Variants in CRACR2A observed in about 807,000 individuals in gnomAD.
The protein encoded by CRACR2A is calcium release activated channel regulator 2A.
Under a neutral mutation model 90.5 loss-of-function variants are expected in CRACR2A, and 79 were observed. The ratio of observed to expected loss-of-function variants is 0.87; its 90% CI spans 0.73 to 1.05. The LOEUF (loss-of-function observed/expected upper bound fraction) is 1.05, where lower values mean the gene tolerates loss of function less well. Ranked by LOEUF, CRACR2A falls within the 50% of genes least tolerant of loss-of-function variation. The pLI, the probability that CRACR2A is intolerant of heterozygous loss-of-function variation, is 0.00. For missense variants in CRACR2A, 823 were observed against 897.2 expected (o/e 0.92, Z 1.06); for synonymous variants, 338 against 356.7 (o/e 0.95, Z 0.59).
At chr12:3,638,539 A>C in intron 13 of CRACR2A, 85 bp from the exon 14 acceptor site, 1 of 1,398,792 alleles carries the variant, frequency 7.1e-7, no homozygotes, top group Non-Finnish European at 9.5e-7. Context: ...TGTGACGAAC[A>C]GATACCCAAG....
chr12:3,677,128 G>A (rs138924520), intron 6 of CRACR2A, among the ~76,000 whole-genome samples: 21 of 152,108 alleles, frequency 1.4e-4, no homozygotes, highest in Non-Finnish European at 2.9e-4. Context: ...CTCCTGGGAG[G>A]ATATGGGAGT....
At chr12:3,618,344 C>T (rs12579477) in intron 18 of CRACR2A, among the ~76,000 whole-genome samples, 1,769 of 152,248 alleles carry the variant, frequency 0.012, 40 homozygotes, top group East Asian at 0.085. Context: ...ACTATTTCTT[C>T]AGTGAAACCT....
At chr12:3,615,530 C>A (rs982244976) in intron 19 of CRACR2A, 91 bp from the exon 20 acceptor site, 5 of 1,081,826 alleles carry the variant, frequency 4.6e-6, no homozygotes, top group South Asian at 1.6e-5. Flanking sequence ...GGTTACAGGT[C>A]ATCTGGGCCA....
chr12:3,644,432 G>T (rs1444733287), intron 12 of CRACR2A, among the ~76,000 whole-genome samples, 163 bp downstream of exon 12: 2 of 152,078 alleles, frequency 1.3e-5, no homozygotes, highest in African/African-American at 4.8e-5. Context: ...TACCCAGTAG[G>T]CCACCCTGAA....
chr12:3,627,588 T>C, intron 16 of CRACR2A, 37 bp downstream of exon 16: 1 of 1,551,568 alleles, frequency 6.4e-7, no homozygotes. Flanking sequence ...ATGCACGGCC[T>C]TCCCTCTGGA....
chr12:3,656,912 G>A (rs185224101), intron 8 of CRACR2A, among the ~76,000 whole-genome samples: 1 of 152,310 alleles, frequency 6.6e-6, no homozygotes, highest in East Asian at 1.9e-4. Context: ...TCTTCCTCTT[G>A]AGGGTCTAAG....
In CRACR2A at chr12:3,641,820, C is replaced by T. The variant is rs1390858555; in HGVS notation, c.1183G>A (p.Ala395Thr). The stretch of plus-strand genomic sequence containing the variant: ...CTTGCCCTGGAAGCAGCTGTGTTTG[C>T]CTTGGCTGCCTTATTTTTCTGTAGA... ...ICFQKNKAAK[A>T]NTAASRASWK... is the part of the protein sequence containing the mutation. Residue 395 changes from alanine (A) to threonine (T), a missense_variant, in exon 13 of 20, where the codon GCA (alanine) becomes ACA (threonine). Coordinates refer to ENST00000440314, the MANE Select transcript of CRACR2A (RefSeq NM_001144958.2). The T allele has an allele frequency of 1.9e-6, 3 of 1,550,892 alleles. No individual in the cohort carries two copies. Among genetic ancestry groups the T allele is most frequent in the Non-Finnish European group, 2.6e-6 (3 of 1,146,366 alleles).
chr12:3,648,102 C>T (rs1944723503), intron 11 of CRACR2A: 4 of 1,002,016 alleles, frequency 4.0e-6, no homozygotes, highest in Non-Finnish European at 4.8e-6. Flanking sequence ...AGCTGTGTCG[C>T]CTGTGGTAAA....
intron 17 of CRACR2A, among the ~76,000 whole-genome samples, chr12:3,619,794 A>G (rs1487134424): frequency 6.6e-6 from 1 of 152,222 alleles, no homozygotes; most frequent in Non-Finnish European, 1.5e-5. Context: ...AAGGCCATGA[A>G]TGCCCCATGG....
Position 3,641,824 on chromosome 12 carries a change from G to C in CRACR2A, c.1179C>G (p.Ala393=), listed in dbSNP as rs1406187934. The change falls in exon 13 of 20, where the codon GCC becomes GCG. Residue 393 remains alanine (A), a synonymous_variant. Transcript: ENST00000440314. ...CCCTGGAAGCAGCTGTGTTTGCCTT[G>C]GCTGCCTTATTTTTCTGTAGAAACA... ...RDICFQKNKA[A]KANTAASRAS... The C allele has an allele frequency of 3.9e-6, 6 of 1,550,950 alleles. No individual in the cohort carries two copies. The highest frequency in any genetic ancestry group is 5.2e-6 in the Non-Finnish European group (6 of 1,146,350).
intron 3 of CRACR2A, among the ~76,000 whole-genome samples, chr12:3,708,257 T>C (rs1189178719): frequency 6.6e-6 from 1 of 152,044 alleles, no homozygotes; most frequent in Non-Finnish European, 1.5e-5. Flanking sequence ...GAAAGCCCGG[T>C]CCTCCTGCCT....
At chr12:3,675,575 C>A (rs1945321925) in intron 6 of CRACR2A, among the ~76,000 whole-genome samples, 1 of 152,184 alleles carries the variant, frequency 6.6e-6, no homozygotes, top group Admixed American at 6.5e-5. Context: ...AATGTTTATA[C>A]TATTATGACT....
At chr12:3,637,852 G>T (rs1460095261) in intron 14 of CRACR2A, among the ~76,000 whole-genome samples, 4 of 152,202 alleles carry the variant, frequency 2.6e-5, no homozygotes, top group Admixed American at 2.6e-4. Context: ...GCTTTGCTAA[G>T]AATCCTTTGT....
rs1944616060 is a variant in CRACR2A at position 3,643,724 on chromosome 12, C to T, written c.1164+871G>A. Among the ~76,000 whole-genome samples, 3 of 136,100 alleles carry T rather than the reference C, an allele frequency of 2.2e-5. No homozygotes were observed. The South Asian group carries it at 6.6e-4, about 30-fold the overall frequency. The allele number at this position is 136,100 out of a possible 152,430, so 89.3% of individuals were successfully genotyped here. On this transcript the variant is annotated intron_variant, in intron 12 of 19. Coordinates refer to ENST00000440314, the MANE Select transcript of CRACR2A (RefSeq NM_001144958.2). ...ATATATATATATGTACATACATATA[C>T]ACACACATATACACATACATACATA... is the stretch of plus-strand genomic sequence containing the variant.
At chr12:3,712,149 C>A (rs1221495127) in intron 3 of CRACR2A, among the ~76,000 whole-genome samples, 1 of 152,106 alleles carries the variant, frequency 6.6e-6, no homozygotes, top group Non-Finnish European at 1.5e-5. Flanking sequence ...ACCATAGTAT[C>A]ATAGAAAGGT....
At chr12:3,648,369 T>C (rs1270372681) in intron 11 of CRACR2A, 173 bp downstream of exon 11, 4 of 1,515,432 alleles carry the variant, frequency 2.6e-6, no homozygotes, top group Non-Finnish European at 2.6e-6. Context: ...CCAAACATAA[T>C]AGAGTGGCTA....
chr12:3,656,502 GC>G, intron 8 of CRACR2A, 96 bp from the exon 9 acceptor site: 1 of 1,074,056 alleles, frequency 9.3e-7, no homozygotes, highest in Non-Finnish European at 1.4e-6. Context: ...CAACATCAGG[GC>G]CCATCCTATT....
chr12:3,700,489 A>T (rs952295194), intron 3 of CRACR2A, among the ~76,000 whole-genome samples: 1 of 152,260 alleles, frequency 6.6e-6, no homozygotes, highest in Non-Finnish European at 1.5e-5. Flanking sequence ...TGCTTTACAC[A>T]TAAAGACACA....
chr12:3,689,424 A>G (rs1418639736), intron 4 of CRACR2A, among the ~76,000 whole-genome samples: 2 of 152,120 alleles, frequency 1.3e-5, no homozygotes, highest in Non-Finnish European at 2.9e-5. Flanking sequence ...TCTTATCAAA[A>G]GTCTTTTCTG....
Sources: gnomAD v4.1 joint callset for allele counts (sites outside exome capture counted in the v4.1 genomes callset) on GRCh38, gnomAD v4.1.1 for gene constraint, MANE v1.5 for transcripts, NCBI Gene and HGNC (gene_info 2026-07-23, HGNC 2026-07-21) for gene names.